The following SLC4A4 variants were observed in gnomAD, a reference collection of about 807,000 sequenced individuals.
SLC4A4 encodes the protein solute carrier family 4 member 4.
In SLC4A4, 27 loss-of-function variants were observed where a neutral mutation model predicts 111.5. The ratio of observed to expected loss-of-function variants is 0.24; its 90% confidence interval spans 0.18 to 0.33. The LOEUF (loss-of-function observed/expected upper bound fraction) is 0.33, where lower values mean the gene tolerates loss of function less well. Among genes scored for constraint, SLC4A4 ranks in the 10% least tolerant of loss-of-function variants. SLC4A4 has a pLI of 1.00. For synonymous variants in SLC4A4, 443 were observed against 463.4 expected (o/e 0.96, Z 0.57); for missense variants, 909 against 1,315.5 (o/e 0.69, Z 4.78).
intron 2 of SLC4A4, among the ~76,000 whole-genome samples, chr4:71,142,493 T>C (rs1230331170): frequency 6.6e-6 from 1 of 152,168 alleles, no homozygotes; most frequent in Non-Finnish European, 1.5e-5. Flanking sequence ...TGATGCTACC[T>C]TAAATTTCTT....
Position 71,373,948 on chromosome 4 carries a change from G to A in SLC4A4, c.730+16761G>A, listed in dbSNP as rs565224483. ...TAGGAAACCATTCATGGGCACAGGTGCTGGGTTTACAGAAGCATGACAGTT... is the reference window on the plus strand; with the variant it reads ...TAGGAAACCATTCATGGGCACAGGTACTGGGTTTACAGAAGCATGACAGTT... On this transcript the variant is annotated intron_variant, in intron 6 of 25. Transcript: ENST00000264485. Among the ~76,000 whole-genome samples, 10 of 152,292 alleles carry A rather than the reference G, an allele frequency of 6.6e-5. No individual in the cohort carries two copies. The South Asian group carries it at 2.1e-3, about 32-fold the overall frequency.
At chr4:71,419,753 C>T (rs910754723) in intron 7 of SLC4A4, among the ~76,000 whole-genome samples, 1 of 152,196 alleles carries the variant, frequency 6.6e-6, no homozygotes, top group Non-Finnish European at 1.5e-5. Context: ...CCCGGTACCT[C>T]AGATGGAAAT....
chr4:71,523,789 C>A (rs781308520), intron 16 of SLC4A4, among the ~76,000 whole-genome samples: 2 of 152,180 alleles, frequency 1.3e-5, no homozygotes, highest in Non-Finnish European at 2.9e-5. Flanking sequence ...GTAAAACCAT[C>A]TTCTTTTTAG....
At chr4:71,122,201 TAC>T (rs1743452745) in intron 2 of SLC4A4, among the ~76,000 whole-genome samples, 3 of 151,192 alleles carry the variant, frequency 2.0e-5, no homozygotes, top group Admixed American at 6.6e-5. Context: ...ACACACCAGC[TAC>T]TCAGGAGGCT....
intron 1 of SLC4A4, among the ~76,000 whole-genome samples, chr4:71,087,111 A>C (rs1212946013): frequency 6.6e-6 from 1 of 151,960 alleles, no homozygotes; most frequent in African/African-American, 2.4e-5. Flanking sequence ...CAGAGATTCA[A>C]CTTCTTCCTG....
chr4:71,257,403 G>T (rs941609851), intron 3 of SLC4A4, among the ~76,000 whole-genome samples: 1 of 152,146 alleles, frequency 6.6e-6, no homozygotes, highest in Non-Finnish European at 1.5e-5. Flanking sequence ...TTTGATATGA[G>T]TTATCCAATT....
At chr4:71,425,975 T>A (rs571736640) in intron 7 of SLC4A4, among the ~76,000 whole-genome samples, 1 of 152,072 alleles carries the variant, frequency 6.6e-6, no homozygotes, top group Non-Finnish European at 1.5e-5. Flanking sequence ...CTATAGAATG[T>A]CAATTATCCT....
rs1228864249 is a variant in SLC4A4 at position 71,130,818 on chromosome 4, T to C, written c.-2+38026T>C. 3.9e-5 allele frequency among the ~76,000 whole-genome samples: 6 copies of C among 152,180 alleles called. No individual in the cohort carries two copies. The South Asian group carries it at 8.3e-4, about 21-fold the overall frequency. On this transcript the variant is annotated intron_variant, in intron 2 of 26. Coordinates refer to the SLC4A4 transcript ENST00000649996. ...CAAATAGTAGATCCTCTGTGAAGAT[T>C]TGTGGAATCAATACCTTTTTAGGAA... is the stretch of plus-strand genomic sequence containing the variant.
At chr4:71,426,441 A>G (rs1723145538) in intron 7 of SLC4A4, among the ~76,000 whole-genome samples, 2 of 152,122 alleles carry the variant, frequency 1.3e-5, no homozygotes, top group Admixed American at 1.3e-4. Context: ...TGTATGGAAT[A>G]AGGGGGATGC....
intron 2 of SLC4A4, among the ~76,000 whole-genome samples, chr4:71,111,566 A>AGATGGG (rs1743090021): frequency 9.2e-6 from 1 of 108,482 alleles, no homozygotes; most frequent in Non-Finnish European, 1.7e-5. Context: ...TTTTTAGTAG[A>AGATGGG]GATGGGGGTT....
chr4:71,364,677 C>T (rs989473155), intron 6 of SLC4A4, among the ~76,000 whole-genome samples: 4 of 152,142 alleles, frequency 2.6e-5, no homozygotes, highest in Non-Finnish European at 4.4e-5. Context: ...AAAGGCTTCA[C>T]CTTTTAATAC....
chr4:71,520,506 A>T (rs78990481), intron 16 of SLC4A4, among the ~76,000 whole-genome samples: 19,484 of 152,196 alleles, frequency 0.13, 1,544 homozygotes, highest in Admixed American at 0.24. Flanking sequence ...TAGTGCCAGC[A>T]CTACCACTGA....
At chr4:71,427,749 A>T (rs1723275173) in intron 7 of SLC4A4, among the ~76,000 whole-genome samples, 1 of 152,110 alleles carries the variant, frequency 6.6e-6, no homozygotes, top group Admixed American at 6.6e-5. Context: ...TTCAGCCTGG[A>T]ATTAAGCTGA....
intron 14 of SLC4A4, among the ~76,000 whole-genome samples, chr4:71,482,146 A>T (rs1335137730): frequency 6.6e-6 from 1 of 151,710 alleles, no homozygotes; most frequent in Non-Finnish European, 1.5e-5. Flanking sequence ...ATTGGGATTG[A>T]TCATTTTCTT....
Position 71,339,517 on chromosome 4 carries a change from C to T in SLC4A4, c.389+12C>T, listed in dbSNP as rs752185552. 1 of 1,612,054 alleles carries T rather than the reference C, an allele frequency of 6.2e-7. No individual in the cohort carries two copies. Reference sequence around the variant, plus strand: ...AAGGAAACAGCCAGGTGAGGCATAGCTGACTGTATGTAGTACTGACCCAGG... The same window carrying T: ...AAGGAAACAGCCAGGTGAGGCATAGTTGACTGTATGTAGTACTGACCCAGG... On this transcript the variant is annotated intron_variant, in intron 4 of 25. Transcript: ENST00000264485.
intron 4 of SLC4A4, among the ~76,000 whole-genome samples, chr4:71,348,424 G>A (rs745939566): frequency 3.2e-4 from 49 of 151,760 alleles, no homozygotes; most frequent in Admixed American, 7.2e-4. Flanking sequence ...GTCCAGTTCT[G>A]AAGTTTCAGA....
At chr4:71,311,441 G>C (rs1458450020) in intron 3 of SLC4A4, among the ~76,000 whole-genome samples, 4 of 152,104 alleles carry the variant, frequency 2.6e-5, no homozygotes, top group African/African-American at 9.7e-5. Flanking sequence ...CACATAATTG[G>C]AAGTAAAACA....
At chr4:71,411,756 G>A (rs1721382183) in intron 7 of SLC4A4, among the ~76,000 whole-genome samples, 1 of 152,212 alleles carries the variant, frequency 6.6e-6, no homozygotes, top group African/African-American at 2.4e-5. Context: ...TATACATGTT[G>A]GGTAGAAGAA....
At chr4:71,125,988 T>A (rs1743553120) in intron 2 of SLC4A4, among the ~76,000 whole-genome samples, 1 of 152,212 alleles carries the variant, frequency 6.6e-6, no homozygotes, top group South Asian at 2.1e-4. Context: ...GTTTTTTCTG[T>A]ATTTTGTTAG....
Sources: allele counts gnomAD v4.1 joint callset (sites outside exome capture counted in the v4.1 genomes callset), GRCh38; gene constraint gnomAD v4.1.1; transcripts MANE v1.5; gene names NCBI Gene and HGNC (gene_info 2026-07-23, HGNC 2026-07-21).